Variants in CPNE4 observed in about 807,000 individuals in gnomAD.
CPNE4 encodes the protein copine 4, also known as copine-4.
Under a neutral mutation model 67.9 loss-of-function variants are expected in CPNE4, and 25 were observed. That is an observed-to-expected ratio of 0.37 (90% CI 0.27 to 0.51). CPNE4 has a LOEUF of 0.51. Among genes scored for constraint, CPNE4 ranks in the 20% least tolerant of loss-of-function variants. The pLI, the probability that CPNE4 is intolerant of heterozygous loss-of-function variation, is 0.93. For synonymous variants in CPNE4, 242 were observed against 244.9 expected, an observed-to-expected ratio of 0.99 and a Z score of 0.11; for missense variants, 464 against 690.8, an observed-to-expected ratio of 0.67 and a Z score of 3.68.
intron 13 of CPNE4, 110 bp from the exon 14 acceptor site, chr3:131,550,190 A>G (rs911573739): frequency 1.8e-6 from 2 of 1,102,574 alleles, no homozygotes; most frequent in Non-Finnish European, 1.3e-6. Flanking sequence ...CCTTATCAAC[A>G]TCATGTTTAT....
chr3:131,681,460 C>A (rs980863515), intron 6 of CPNE4, among the ~76,000 whole-genome samples: 1 of 152,174 alleles, frequency 6.6e-6, no homozygotes, highest in Non-Finnish European at 1.5e-5. Flanking sequence ...CACTCTCCCC[C>A]GGTCTTTAAG....
At chr3:131,581,388 T>C (rs1937826344) in intron 9 of CPNE4, among the ~76,000 whole-genome samples, 191 bp downstream of exon 9, 1 of 152,212 alleles carries the variant, frequency 6.6e-6, no homozygotes, top group Non-Finnish European at 1.5e-5. Context: ...ACAGTGACAC[T>C]GCGCTGCCAC....
At position 131,587,500 on chromosome 3, in the gene CPNE4, G is replaced by T. The variant is rs184384980; in HGVS notation, c.764C>A (p.Ala255Glu). 5.0e-6 allele frequency: 8 copies of T among 1,613,566 alleles called. No homozygotes were observed. The East Asian group carries it at 1.8e-4, about 36-fold the overall frequency. ...FTSTFKEMRG[A>E]MEGKQVQWEC... Reference sequence around the variant, plus strand: ...ACCATGTACCTGTTTCCCTTCCATTGCTCCTCTCATCTCCTTGAATGTCGA... The same window carrying T: ...ACCATGTACCTGTTTCCCTTCCATTTCTCCTCTCATCTCCTTGAATGTCGA... Residue 255 changes from alanine to glutamate, a missense_variant, in exon 8 of 16, where the codon GCA (alanine) becomes GAA (glutamate). By Grantham distance (107) the Ala-to-Glu change is moderately radical (BLOSUM62 -1). Transcript: ENST00000429747.
chr3:131,789,581 G>A (rs903103783), intron 2 of CPNE4, among the ~76,000 whole-genome samples: 20 of 152,260 alleles, frequency 1.3e-4, no homozygotes, highest in African/African-American at 4.6e-4. Flanking sequence ...ATGCAGGTTA[G>A]TGAGCATGTA....
At chr3:131,889,030 T>C (rs1333326259) in intron 2 of CPNE4, among the ~76,000 whole-genome samples, 1 of 152,208 alleles carries the variant, frequency 6.6e-6, no homozygotes, top group African/African-American at 2.4e-5. Flanking sequence ...GATCCACTAC[T>C]CACATTAGTT....
intron 2 of CPNE4, among the ~76,000 whole-genome samples, chr3:131,786,062 G>C (rs916387373): frequency 6.6e-6 from 1 of 152,028 alleles, no homozygotes; most frequent in Non-Finnish European, 1.5e-5. Flanking sequence ...CTCTTCTCTT[G>C]TTTTACATGA....
chr3:131,902,712 T>C (rs2088598887), intron 2 of CPNE4, among the ~76,000 whole-genome samples: 1 of 152,128 alleles, frequency 6.6e-6, no homozygotes, highest in African/African-American at 2.4e-5. Flanking sequence ...AATAAATATG[T>C]ACAAATAATA....
chr3:131,587,338 T>C, intron 8 of CPNE4, 146 bp downstream of exon 8: 1 of 617,928 alleles, frequency 1.6e-6, no homozygotes, highest in Non-Finnish European at 2.9e-6. Context: ...AGTTCTAGAA[T>C]CTAGATACTC....
At chr3:131,625,193 C>T (rs763558240) in intron 7 of CPNE4, among the ~76,000 whole-genome samples, 2 of 152,156 alleles carry the variant, frequency 1.3e-5, no homozygotes, top group Non-Finnish European at 2.9e-5. Flanking sequence ...CACACTCCTC[C>T]CCTCAAACAT....
intron 7 of CPNE4, among the ~76,000 whole-genome samples, chr3:131,649,595 T>A (rs2079756627): frequency 2.6e-5 from 4 of 152,240 alleles, no homozygotes; most frequent in Admixed American, 6.5e-5. Flanking sequence ...CTTTCACTTC[T>A]AACTGTGAGA....
intron 13 of CPNE4, among the ~76,000 whole-genome samples, chr3:131,552,080 A>C (rs935044717): frequency 9.4e-5 from 14 of 149,008 alleles, no homozygotes; most frequent in Non-Finnish European, 2.1e-4. Flanking sequence ...AAAAAAAAAA[A>C]AACACTTGAT....
chr3:131,818,799 A>G (rs2084847391), intron 2 of CPNE4, among the ~76,000 whole-genome samples: 1 of 152,188 alleles, frequency 6.6e-6, no homozygotes, highest in Non-Finnish European at 1.5e-5. Flanking sequence ...TAAATTAAGT[A>G]AGTGGTAAAA....
intron 7 of CPNE4, among the ~76,000 whole-genome samples, chr3:131,636,216 A>G (rs2079381006): frequency 1.3e-5 from 2 of 152,168 alleles, no homozygotes; most frequent in Admixed American, 6.5e-5. Flanking sequence ...GCTTATTGGC[A>G]GGGAGGCTTG....
At chr3:131,965,416 A>G (rs1173400531) in intron 1 of CPNE4, among the ~76,000 whole-genome samples, 1 of 152,370 alleles carries the variant, frequency 6.6e-6, no homozygotes, top group East Asian at 1.9e-4. Flanking sequence ...CCCAATTAAA[A>G]GACACAGAGT....
chr3:131,801,656 T>C (rs1213941635), intron 2 of CPNE4, among the ~76,000 whole-genome samples: 2 of 150,066 alleles, frequency 1.3e-5, no homozygotes, highest in African/African-American at 2.4e-5. Flanking sequence ...TCGTTACTTA[T>C]TATCAAAGAC....
intron 2 of CPNE4, among the ~76,000 whole-genome samples, chr3:131,849,277 A>G (rs1332808622): frequency 6.6e-6 from 1 of 152,250 alleles, no homozygotes; most frequent in African/African-American, 2.4e-5. Context: ...TTGCACTGCT[A>G]TAAAGAAATA....
intron 2 of CPNE4, among the ~76,000 whole-genome samples, chr3:131,816,910 C>A (rs1270330510): frequency 3.3e-5 from 5 of 152,176 alleles, no homozygotes; most frequent in African/African-American, 1.2e-4. Flanking sequence ...ATTTTACATA[C>A]AGTAAACTGC....
chr3:131,861,586 A>C (rs533062158), intron 2 of CPNE4, among the ~76,000 whole-genome samples: 1 of 151,882 alleles, frequency 6.6e-6, no homozygotes, highest in African/African-American at 2.4e-5. Flanking sequence ...GCCTGCCACC[A>C]TGCTCGGCTA....
chr3:131,878,971 CTA>C, intron 2 of CPNE4, among the ~76,000 whole-genome samples: 1 of 152,324 alleles, frequency 6.6e-6, no homozygotes, highest in East Asian at 1.9e-4. Context: ...TAAATAACTT[CTA>C]AGAAATTGAT....
Sources: allele counts gnomAD v4.1 joint callset (sites outside exome capture counted in the v4.1 genomes callset), GRCh38; gene constraint gnomAD v4.1.1; transcripts MANE v1.5; gene names NCBI Gene and HGNC (gene_info 2026-07-23, HGNC 2026-07-21).